XPO1: variants seen among roughly 807,000 people sequenced by gnomAD.
XPO1 encodes the protein exportin 1.
In XPO1, 5 loss-of-function variants were observed where a neutral mutation model predicts 133.3. The ratio of observed to expected loss-of-function variants is 0.04; its 90% CI spans 0.02 to 0.08. The LOEUF (loss-of-function observed/expected upper bound fraction) is 0.08. Ranked by LOEUF, XPO1 falls within the 10% of genes least tolerant of loss-of-function variation. The pLI, the probability that XPO1 is intolerant of heterozygous loss-of-function variation, is 1.00. For synonymous variants in XPO1, 419 were observed against 408.2 expected, an observed-to-expected ratio of 1.03 and a Z score of -0.32; for missense variants, 506 against 1,267.5, an observed-to-expected ratio of 0.40 and a Z score of 9.12.
chr2:61,523,942 T>C (rs1698803269), intron 3 of XPO1, among the ~76,000 whole-genome samples: 1 of 152,192 alleles, frequency 6.6e-6, no homozygotes, highest in Non-Finnish European at 1.5e-5. Flanking sequence ...AATTCTAAAA[T>C]TACAAATTTG....
At chr2:61,495,701 G>T in intron 10 of XPO1, 88 bp from the exon 11 acceptor site, 2 of 1,315,720 alleles carry the variant, frequency 1.5e-6, no homozygotes, top group East Asian at 2.7e-5. Flanking sequence ...TTGAGACAAG[G>T]TATCACTCTG....
At chr2:61,486,439 C>A (rs1306222705) in intron 19 of XPO1, among the ~76,000 whole-genome samples, 1 of 146,726 alleles carries the variant, frequency 6.8e-6, no homozygotes, top group Non-Finnish European at 1.5e-5. Flanking sequence ...TGTAAGATGG[C>A]AGCAAGCGAG....
intron 2 of XPO1, among the ~76,000 whole-genome samples, chr2:61,527,953 G>C (rs553020235): frequency 2.0e-4 from 30 of 149,498 alleles, no homozygotes; most frequent in Admixed American, 8.0e-4. Context: ...TAAAGTTGGA[G>C]TCTTGCTCTG....
chr2:61,502,181 G>C (rs1558649937), intron 5 of XPO1, 68 bp downstream of exon 5: 1 of 1,563,924 alleles, frequency 6.4e-7, no homozygotes, highest in Non-Finnish European at 8.7e-7. Flanking sequence ...GACAGAATTA[G>C]GTTGTAGTCA....
intron 3 of XPO1, chr2:61,525,588 A>C (rs1698877463): frequency 9.8e-7 from 1 of 1,017,142 alleles, no homozygotes; most frequent in Non-Finnish European, 1.2e-6. Context: ...AAACATTAGT[A>C]ATGTCTGTCA....
intron 5 of XPO1, 41 bp from the exon 6 acceptor site, chr2:61,502,081 T>C (rs1697554052): frequency 1.3e-6 from 2 of 1,564,722 alleles, no homozygotes; most frequent in Admixed American, 1.9e-5. Context: ...CTGAGGTAAG[T>C]ATAAATAAGA....
intron 4 of XPO1, 114 bp from the exon 5 acceptor site, chr2:61,502,424 A>T (rs1320373827): frequency 1.9e-6 from 2 of 1,032,360 alleles, no homozygotes; most frequent in African/African-American, 1.6e-5. Flanking sequence ...ATCAGTTAAT[A>T]TACTCTAATC....
chr2:61,502,391 T>C, intron 4 of XPO1, 81 bp from the exon 5 acceptor site: 1 of 1,302,646 alleles, frequency 7.7e-7, no homozygotes, highest in East Asian at 2.3e-5. Flanking sequence ...CTAATTAATG[T>C]GGGAATGGAA....
At chr2:61,510,938 A>C (rs1229832737) in intron 4 of XPO1, among the ~76,000 whole-genome samples, 3 of 117,592 alleles carry the variant, frequency 2.6e-5, no homozygotes, top group Non-Finnish European at 5.3e-5. Flanking sequence ...ACCTTATCTC[A>C]AAAAAAAAAA....
intron 21 of XPO1, chr2:61,483,586 C>A: frequency 5.3e-6 from 1 of 187,796 alleles, no homozygotes; most frequent in Non-Finnish European, 1.1e-5. Flanking sequence ...TTTTTAAAAG[C>A]CTATGGGAAA....
Position 61,494,760 on chromosome 2 carries a change from G to T in XPO1, c.1048-669C>A, listed in dbSNP as rs368629628. On this transcript the variant is annotated intron_variant, in intron 11 of 24. Coordinates refer to ENST00000401558, the MANE Select transcript of XPO1 (RefSeq NM_003400.4). ...ATATATACTAATATGCCACTGAATT[G>T]TGTGTGTGTGTGTATATATATATAT... 10 of 145,846 alleles carry T rather than the reference G, an allele frequency of 6.9e-5. No homozygotes were observed. The East Asian group carries it at 1.2e-3, about 17-fold the overall frequency. The allele number at this position is 145,846 out of a possible 1,614,324, so 9.0% of individuals were successfully genotyped here. A position where few individuals can be genotyped will look rare whatever the true frequency, so the allele number is the denominator to read the frequency against.
chr2:61,535,100 T>C (rs1699304383), intron 1 of XPO1, among the ~76,000 whole-genome samples: 1 of 152,242 alleles, frequency 6.6e-6, no homozygotes, highest in African/African-American at 2.4e-5. Context: ...TATGCAGTGC[T>C]ATCCTTTTAA....
At chr2:61,501,281 T>C (rs1442823022) in intron 6 of XPO1, among the ~76,000 whole-genome samples, 1 of 152,038 alleles carries the variant, frequency 6.6e-6, no homozygotes, top group African/African-American at 2.4e-5. Context: ...GATATTACTA[T>C]AGAAAACAGA....
chr2:61,481,322 TC>T, intron 23 of XPO1, 41 bp from the exon 24 acceptor site: 1 of 1,508,532 alleles, frequency 6.6e-7, no homozygotes, highest in Non-Finnish European at 9.1e-7. Flanking sequence ...GATTTATTTT[TC>T]CCCCGAGACA....
In XPO1 at chr2:61,492,275, A is replaced by G; in HGVS notation, c.1723+50T>C. On this transcript the variant is annotated intron_variant, in intron 15 of 24. Coordinates refer to ENST00000401558, the MANE Select transcript of XPO1 (RefSeq NM_003400.4). This position sits in a 1 kb window ranked among gnomAD's most constrained non-coding sequence, Gnocchi z 5.6. ...TCTAACAAGACAAAAACATTCATTT[A>G]TTTTCTTCAATAAAAATAAAAGCAA... 1 of 1,581,914 alleles carries G rather than the reference A, an allele frequency of 6.3e-7. No homozygotes were observed.
rs1279100947 is a variant in XPO1 at position 61,477,974 on chromosome 2, C to CT, written c.*845dup. ...TTTATTTTGCTTTTTAAGTAGTGTT[C>CT]TTAAAGCACTACAGCTTGGTAAACA... On this transcript the variant is annotated 3_prime_UTR_variant, in exon 25 of 25. Coordinates refer to ENST00000401558, the MANE Select transcript of XPO1 (RefSeq NM_003400.4). 1 of 231,166 alleles carries CT rather than the reference C, an allele frequency of 4.3e-6. No homozygotes were observed. Among genetic ancestry groups the CT allele is most frequent in the Non-Finnish European group, 8.6e-6 (1 of 116,622 alleles). The allele number at this position is 231,166 out of a possible 1,614,324, so 14.3% of individuals were successfully genotyped here. A position where few individuals can be genotyped will look rare whatever the true frequency, so the allele number is the denominator to read the frequency against.
At position 61,537,835 on chromosome 2, in the gene XPO1, G is replaced by C. The variant is rs997127065; in HGVS notation, c.-280C>G. On this transcript the variant is annotated 5_prime_UTR_variant, in exon 1 of 25. Transcript: ENST00000401558. ...ATCTGGGGAATAAATGCTCCCGCCCGGCTGGGGAGTGAGGGAAGGGGGAGG... is the reference window on the plus strand; with the variant it reads ...ATCTGGGGAATAAATGCTCCCGCCCCGCTGGGGAGTGAGGGAAGGGGGAGG... 1.3e-5 allele frequency: 2 copies of C among 150,596 alleles called. No homozygotes were observed. Among genetic ancestry groups the C allele is most frequent in the African/African-American group, 5.1e-5 (2 of 38,968 alleles). 9.3% of individuals were successfully genotyped at this position (150,596 alleles called of 1,614,324 possible).
chr2:61,499,980 G>A, intron 6 of XPO1, 86 bp from the exon 7 acceptor site: 1 of 1,303,796 alleles, frequency 7.7e-7, no homozygotes, highest in Non-Finnish European at 1.1e-6. Flanking sequence ...AATGGATAAA[G>A]GCAGGAGTAA....
At chr2:61,509,452 C>A (rs1233800279) in intron 4 of XPO1, among the ~76,000 whole-genome samples, 2 of 152,058 alleles carry the variant, frequency 1.3e-5, no homozygotes, top group Admixed American at 1.3e-4. Flanking sequence ...CATGAAGAAA[C>A]CCTGTCTCTA....
Sources: gnomAD v4.1 joint callset for allele counts (sites outside exome capture counted in the v4.1 genomes callset) on GRCh38, gnomAD v4.1.1 for gene constraint, Gnocchi (gnomAD v3.1) non-coding constraint, MANE v1.5 for transcripts, NCBI Gene and HGNC (gene_info 2026-07-23, HGNC 2026-07-21) for gene names.